LRGUK: variants seen among roughly 807,000 people sequenced by gnomAD.
LRGUK encodes leucine-rich repeat and guanylate kinase domain-containing protein.
LRGUK carries 65 observed loss-of-function variants against 76.0 expected under a neutral mutation model. That is an observed-to-expected ratio of 0.85 (90% confidence interval 0.70 to 1.05). The LOEUF (loss-of-function observed/expected upper bound fraction) is 1.05. LRGUK is among the 50% of genes least tolerant of loss of function. The pLI is 0.00. For synonymous variants in LRGUK, 268 were observed against 265.6 expected, an observed-to-expected ratio of 1.01 and a Z score of -0.09; for missense variants, 758 against 732.8, an observed-to-expected ratio of 1.03 and a Z score of -0.40.
chr7:134,222,760 C>T (rs1447010810), intron 16 of LRGUK, among the ~76,000 whole-genome samples: 2 of 152,130 alleles, frequency 1.3e-5, no homozygotes, highest in Non-Finnish European at 2.9e-5. Flanking sequence ...AGGCATGCGC[C>T]ACCATGCCTA....
intron 12 of LRGUK, among the ~76,000 whole-genome samples, chr7:134,196,629 A>C (rs2117071667): frequency 1.3e-5 from 2 of 152,296 alleles, no homozygotes; most frequent in South Asian, 4.1e-4. Context: ...GGCGGCAGTA[A>C]AGGGCAGGCC....
intron 10 of LRGUK, among the ~76,000 whole-genome samples, chr7:134,179,336 A>G (rs867020917): frequency 2.7e-4 from 41 of 152,334 alleles, no homozygotes; most frequent in Middle Eastern, 6.8e-3. Context: ...TTCTATCAAT[A>G]CCCAAAGGCA....
At chr7:134,213,409 C>T (rs537247891), downstream of LRGUK, among the ~76,000 whole-genome samples, 21 of 152,156 alleles carry the variant, frequency 1.4e-4, no homozygotes, top group African/African-American at 4.8e-4. Context: ...ATTTAGATTG[C>T]ATGTGGGAGA....
the LRGUK span, among the ~76,000 whole-genome samples, chr7:134,276,251 T>G: frequency 6.6e-6 from 1 of 152,142 alleles, no homozygotes; most frequent in African/African-American, 2.4e-5. Context: ...AAATCACAAT[T>G]CTCCCCATCC....
At chr7:134,153,002 G>A (rs1585447260) in intron 5 of LRGUK, among the ~76,000 whole-genome samples, 1 of 152,034 alleles carries the variant, frequency 6.6e-6, no homozygotes, top group Non-Finnish European at 1.5e-5. Context: ...CTCTGGGAAG[G>A]AGACACAGGG....
chr7:134,154,539 C>A (rs1450287237), intron 5 of LRGUK, among the ~76,000 whole-genome samples: 3 of 152,206 alleles, frequency 2.0e-5, no homozygotes, highest in African/African-American at 7.2e-5. Flanking sequence ...AGAAAGTTCT[C>A]TTTACTCAGG....
intron 17 of LRGUK, 73 bp from the exon 18 acceptor site, chr7:134,248,878 T>C (rs1231328050): frequency 1.7e-6 from 2 of 1,188,698 alleles, no homozygotes; most frequent in Non-Finnish European, 2.2e-6. Context: ...GATATTTAGG[T>C]ATACATGTGT....
intron 9 of LRGUK, among the ~76,000 whole-genome samples, chr7:134,177,343 C>T (rs144497695): frequency 1.4e-3 from 217 of 152,190 alleles, no homozygotes; most frequent in African/African-American, 4.9e-3. Context: ...TTATATAGGT[C>T]GCAGCTTTAT....
chr7:134,242,888 G>T (rs1477870402), intron 16 of LRGUK, among the ~76,000 whole-genome samples: 1 of 152,130 alleles, frequency 6.6e-6, no homozygotes, highest in African/African-American at 2.4e-5. Flanking sequence ...GGGATGAAAG[G>T]CTGGTTCAAC....
At chr7:134,177,770 G>C (rs1287481647) in intron 9 of LRGUK, among the ~76,000 whole-genome samples, 2 of 152,178 alleles carry the variant, frequency 1.3e-5, no homozygotes, top group Non-Finnish European at 2.9e-5. Flanking sequence ...TGAAATCTTG[G>C]TTAAAAGCAG....
At chr7:134,135,154 G>A (rs1797471823) in intron 1 of LRGUK, among the ~76,000 whole-genome samples, 1 of 152,176 alleles carries the variant, frequency 6.6e-6, no homozygotes, top group African/African-American at 2.4e-5. Context: ...GAGATGTTAT[G>A]TACCATCTCA....
intron 16 of LRGUK, among the ~76,000 whole-genome samples, chr7:134,230,580 A>C (rs1206906362): frequency 6.6e-6 from 1 of 152,224 alleles, no homozygotes; most frequent in Non-Finnish European, 1.5e-5. Flanking sequence ...CTAAACTAGA[A>C]ATTCACATGT....
chr7:134,272,971 A>G, the LRGUK span, among the ~76,000 whole-genome samples: 1 of 152,134 alleles, frequency 6.6e-6, no homozygotes, highest in African/African-American at 2.4e-5. Flanking sequence ...TGGGGTTTCA[A>G]GGCATCAGGG....
At chr7:134,140,464 C>T (rs1797723044) in intron 3 of LRGUK, among the ~76,000 whole-genome samples, 2 of 152,028 alleles carry the variant, frequency 1.3e-5, no homozygotes, top group African/African-American at 4.8e-5. Context: ...TTAGTCCTAC[C>T]ATTGTCAAAT....
chr7:134,195,361 G>T (rs982784978), intron 12 of LRGUK, among the ~76,000 whole-genome samples: 120 of 152,316 alleles, frequency 7.9e-4, no homozygotes, highest in African/African-American at 2.9e-3. Flanking sequence ...TATCATCTTT[G>T]TTTTAAAGTG....
intron 11 of LRGUK, among the ~76,000 whole-genome samples, chr7:134,188,331 G>A (rs1220495699): frequency 6.6e-6 from 1 of 152,122 alleles, no homozygotes; most frequent in Admixed American, 6.6e-5. Flanking sequence ...AACTATCAAG[G>A]GAGATGGCAG....
exon 16 of LRGUK, chr7:134,209,158 C>T (rs777017167): frequency 8.8e-5 from 35 of 399,332 alleles, no homozygotes; most frequent in Non-Finnish European, 1.4e-4. Context: ...CTCCCTCGTC[C>T]CGCAGCCCTC....
chr7:134,162,826 CAAA>C (rs11445116), intron 6 of LRGUK, among the ~76,000 whole-genome samples: 2,214 of 61,008 alleles, frequency 0.036, 36 homozygotes, highest in African/African-American at 0.12. Context: ...GACTCCTTCT[CAAA>C]AAAAAAAAAA....
At chr7:134,145,974 G>T (rs1364283571) in intron 4 of LRGUK, among the ~76,000 whole-genome samples, 1 of 152,108 alleles carries the variant, frequency 6.6e-6, no homozygotes, top group Admixed American at 6.6e-5. Context: ...ACCCCTTTAA[G>T]GTCTTTCAAG....
Sources: gnomAD v4.1 joint callset for allele counts (sites outside exome capture counted in the v4.1 genomes callset) on GRCh38, gnomAD v4.1.1 for gene constraint, MANE v1.5 for transcripts, NCBI Gene and HGNC (gene_info 2026-07-23, HGNC 2026-07-21) for gene names.